The following MED12L variants were observed in gnomAD, a reference collection of about 807,000 sequenced individuals.
The protein encoded by MED12L is mediator of RNA polymerase II transcription subunit 12-like protein.
A neutral mutation model predicts 281.3 loss-of-function variants in MED12L; 60 were observed. The observed-to-expected ratio is 0.21, with a 90% CI of 0.17 to 0.26. The LOEUF is 0.26. Ranked by LOEUF, MED12L falls within the 10% of genes least tolerant of loss-of-function variation. MED12L has a pLI of 1.00. For synonymous variants in MED12L, 974 were observed against 987.2 expected, an observed-to-expected ratio of 0.99 and a Z score of 0.25; for missense variants, 2,146 against 2,680.9, an observed-to-expected ratio of 0.80 and a Z score of 4.41.
chr3:151,404,866 T>A (rs1190541818), intron 39 of MED12L, among the ~76,000 whole-genome samples: 2 of 152,198 alleles, frequency 1.3e-5, no homozygotes, highest in Non-Finnish European at 2.9e-5. Context: ...TAATTGGAGG[T>A]ATAACCAGTC....
chr3:151,132,441 C>T (rs535059351), intron 5 of MED12L, among the ~76,000 whole-genome samples: 2 of 152,172 alleles, frequency 1.3e-5, no homozygotes, highest in African/African-American at 4.8e-5. Context: ...ATTTTGTAGA[C>T]TGTCCATTGA....
rs1378951716 is a variant in MED12L at position 151,116,023 on chromosome 3, C to T, written c.100-315C>T. 2.1e-5 allele frequency among the ~76,000 whole-genome samples: 3 copies of T among 145,116 alleles called. No individual in the cohort carries two copies. The Admixed American group carries it at 2.1e-4, about 10-fold the overall frequency. The stretch of plus-strand genomic sequence containing the variant: ...AGGTTGCAGTAAGCCGAGATTGCGC[C>T]GCTGCACTCCAGGCTGGGCGACAGA... On this transcript the variant is annotated intron_variant, in intron 2 of 44. Coordinates refer to ENST00000687756, the MANE Select transcript of MED12L (RefSeq NM_001393769.1).
In MED12L at chr3:151,388,067, A is replaced by G; in HGVS notation, c.5346A>G (p.Pro1782=). 3.1e-6 allele frequency: 5 copies of G among 1,614,076 alleles called. No individual in the cohort carries two copies. Among genetic ancestry groups the G allele is most frequent in the Non-Finnish European group, 4.2e-6 (5 of 1,180,002 alleles). Reference sequence around the variant, plus strand: ...CCACATCTCCAGTTTCTCAGGAACCAGAAAGGAAGTCCGCTGAGCTGTCAG... The same window carrying G: ...CCACATCTCCAGTTTCTCAGGAACCGGAAAGGAAGTCCGCTGAGCTGTCAG... ...EEPTSPVSQE[P]ERKSAELSDQ... Residue 1782 remains proline, a synonymous_variant, in exon 37 of 45, where the codon CCA becomes CCG. Coordinates refer to ENST00000687756, the MANE Select transcript of MED12L (RefSeq NM_001393769.1).
intron 11 of MED12L, 57 bp from the exon 12 acceptor site, chr3:151,185,273 C>T: frequency 6.4e-7 from 1 of 1,574,462 alleles, no homozygotes; most frequent in Admixed American, 1.8e-5. Flanking sequence ...CTTCCTGCCT[C>T]TTGCTGGGTG....
At chr3:151,202,716 G>T (rs1725804884) in intron 16 of MED12L, among the ~76,000 whole-genome samples, 1 of 152,100 alleles carries the variant, frequency 6.6e-6, no homozygotes, top group Non-Finnish European at 1.5e-5. Flanking sequence ...GATTTTCTAT[G>T]GGAATCACAG....
rs182893029 is a variant in MED12L at position 151,230,264 on chromosome 3, G to A, written c.2250+36598G>A. On this transcript the variant is annotated intron_variant, in intron 16 of 44. Transcript: ENST00000687756. Reference sequence around the variant, plus strand: ...GCTGGGATTACAGGCGTGAGCCACCGCACCCGGCCGGGATCTGTTCTTGAA... The same window carrying A: ...GCTGGGATTACAGGCGTGAGCCACCACACCCGGCCGGGATCTGTTCTTGAA... Among the ~76,000 whole-genome samples the A allele has an allele frequency of 1.3e-4, 20 of 152,294 alleles. 2 individuals carry two copies. The South Asian group carries it at 1.9e-3, about 14-fold the overall frequency.
chr3:151,357,645 A>G (rs929039447), intron 20 of MED12L, among the ~76,000 whole-genome samples: 3 of 152,032 alleles, frequency 2.0e-5, no homozygotes, highest in Non-Finnish European at 2.9e-5. Flanking sequence ...CATTTATAGC[A>G]CTCTACGGTT....
chr3:151,239,870 A>T (rs1052699531), intron 16 of MED12L, among the ~76,000 whole-genome samples: 29 of 152,242 alleles, frequency 1.9e-4, no homozygotes, highest in African/African-American at 6.5e-4. Context: ...ACCACATTTT[A>T]TGAAGAGTAA....
chr3:151,187,031 T>C (rs573402005), intron 12 of MED12L, among the ~76,000 whole-genome samples: 1 of 152,350 alleles, frequency 6.6e-6, no homozygotes, highest in South Asian at 2.1e-4. Context: ...GAACATTTTA[T>C]AGACATTTTT....
chr3:151,328,303 T>C, intron 16 of MED12L: 1 of 1,613,976 alleles, frequency 6.2e-7, no homozygotes, highest in Non-Finnish European at 8.5e-7. Context: ...CTTCCAGCTT[T>C]TTGTTGTTTT....
chr3:151,115,512 C>G (rs1712627678), intron 2 of MED12L, among the ~76,000 whole-genome samples: 1 of 151,402 alleles, frequency 6.6e-6, no homozygotes, highest in Non-Finnish European at 1.5e-5. Flanking sequence ...CCACGCCCAG[C>G]TAATTTTTGT....
intron 11 of MED12L, among the ~76,000 whole-genome samples, chr3:151,181,964 T>C (rs934899798): frequency 1.1e-4 from 16 of 152,170 alleles, no homozygotes; most frequent in African/African-American, 3.6e-4. Flanking sequence ...CTTGCAATAA[T>C]AACTCAGTGG....
intron 16 of MED12L, among the ~76,000 whole-genome samples, chr3:151,245,971 C>G (rs1735361379): frequency 6.6e-6 from 1 of 150,780 alleles, no homozygotes; most frequent in Non-Finnish European, 1.5e-5. Context: ...TCTTATACAC[C>G]AGCAACAGAC....
chr3:151,208,448 G>A (rs899375002), intron 16 of MED12L, among the ~76,000 whole-genome samples: 19 of 152,168 alleles, frequency 1.2e-4, no homozygotes, highest in Admixed American at 1.0e-3. Context: ...TTTGGGGCCC[G>A]AGGTGGATGG....
At position 151,392,467 on chromosome 3, in the gene MED12L, GAAAAAA is replaced by G. The variant is rs200781609; in HGVS notation, c.5609-2172_5609-2167del. Among the ~76,000 whole-genome samples, 915 of 95,844 alleles carry G rather than the reference GAAAAAA, an allele frequency of 9.5e-3. 1 individual carries two copies. Among genetic ancestry groups the G allele is most frequent in the South Asian group, 0.037 (106 of 2,836 alleles). The allele number at this position is 95,844 out of a possible 152,430, so 62.9% of individuals were successfully genotyped here. A position where few individuals can be genotyped will look rare whatever the true frequency, so the allele number is the denominator to read the frequency against. ...GTGACAGAGCGAGACTCCATCTCAA[GAAAAAA>G]AAAAAAAAAAAAAAAAGTAAAAATA... On this transcript the variant is annotated intron_variant, in intron 38 of 44. Transcript: ENST00000687756.
rs1333078608 is a variant in MED12L at position 151,164,028 on chromosome 3, G to T, written c.1243G>T (p.Ala415Ser). The part of the protein sequence containing the change: ...SSLPMPGGNT[A>S]FNQQVRARIY... ...CCTCCCCATGCCGGGTGGGAACACGGCTTTCAATCAGCAGGTAGACTTTAT... is the reference window on the plus strand; with the variant it reads ...CCTCCCCATGCCGGGTGGGAACACGTCTTTCAATCAGCAGGTAGACTTTAT... Residue 415 changes from alanine (A) to serine (S), a missense_variant, in exon 9 of 45, where the codon GCT (alanine) becomes TCT (serine). Transcript: ENST00000687756. 9 of 1,613,214 alleles carry T rather than the reference G, an allele frequency of 5.6e-6. No individual in the cohort carries two copies. Among genetic ancestry groups the T allele is most frequent in the Non-Finnish European group, 7.6e-6 (9 of 1,179,574 alleles).
At chr3:151,193,717 C>G (rs745920388) in intron 16 of MED12L, 51 bp downstream of exon 16, 5 of 1,449,774 alleles carry the variant, frequency 3.4e-6, no homozygotes, top group Admixed American at 1.8e-5. Flanking sequence ...ATTATAAGAT[C>G]AATAACTGTT....
intron 20 of MED12L, 46 bp from the exon 21 acceptor site, chr3:151,360,428 A>G (rs9856118): frequency 0.14 from 226,705 of 1,576,494 alleles, 18,341 homozygotes; most frequent in Non-Finnish European, 0.17. Context: ...GATAACCCAC[A>G]TAGTACAAAT....
intron 16 of MED12L, chr3:151,295,201 C>G (rs779993172): frequency 3.7e-6 from 6 of 1,604,618 alleles, no homozygotes; most frequent in Middle Eastern, 1.7e-4. Flanking sequence ...CTTGGCCGTG[C>G]AGCTCGTTAT....
Sources: gnomAD v4.1 joint callset for allele counts (sites outside exome capture counted in the v4.1 genomes callset) on GRCh38, gnomAD v4.1.1 for gene constraint, MANE v1.5 for transcripts, NCBI Gene and HGNC (gene_info 2026-07-23, HGNC 2026-07-21) for gene names.